SLC16A4: variants seen among roughly 807,000 people sequenced by gnomAD.
SLC16A4 encodes solute carrier family 16 member 4.
A neutral mutation model predicts 47.9 loss-of-function variants in SLC16A4; 39 were observed. The observed-to-expected ratio is 0.81, with a 90% CI of 0.63 to 1.06. The LOEUF is 1.06. SLC16A4 is among the 50% of genes least tolerant of loss of function. SLC16A4 has a pLI of 0.00. For missense variants in SLC16A4, 524 were observed against 573.8 expected (o/e 0.91, Z 0.89); for synonymous variants, 189 against 199.9 (o/e 0.95, Z 0.46).
chr1:110,387,534 A>AT (rs1030370468), intron 2 of SLC16A4, among the ~76,000 whole-genome samples: 26 of 152,326 alleles, frequency 1.7e-4, no homozygotes, highest in African/African-American at 5.8e-4. Context: ...GATCCAGTGC[A>AT]TTTTTTGTGC....
Position 110,363,442 on chromosome 1 carries a change from T to C in SLC16A4, c.*324A>G, listed in dbSNP as rs577889594. On this transcript the variant is annotated 3_prime_UTR_variant, in exon 9 of 9. Transcript: ENST00000369779. ...GAGATGGAGACCATCCTGGCTAACA[T>C]GGTGAAACCCCGCCTCTACTAAAAA... 250 of 165,112 alleles carry C rather than the reference T, an allele frequency of 1.5e-3. No homozygotes were observed. The highest frequency in any genetic ancestry group is 4.9e-3 in the African/African-American group (203 of 41,666). 10.2% of individuals were successfully genotyped at this position (165,112 alleles called of 1,614,324 possible).
At chr1:110,389,096 G>T in intron 2 of SLC16A4, 141 bp downstream of exon 2, 2 of 774,108 alleles carry the variant, frequency 2.6e-6, no homozygotes, top group Non-Finnish European at 4.5e-6. Context: ...GTTTTTGGCA[G>T]CTCCTGGCCT....
At position 110,381,765 on chromosome 1, in the gene SLC16A4, A is replaced by C. The variant is rs1662403416; in HGVS notation, c.251T>G (p.Leu84Arg). The C allele has an allele frequency of 1.2e-6, 2 of 1,613,412 alleles. No individual in the cohort carries two copies. The highest frequency in any genetic ancestry group is 8.5e-7 in the Non-Finnish European group (1 of 1,179,758). The change falls in exon 4 of 9, where the codon CTT becomes CGT. Residue 84 changes from leucine (L) to arginine (R), a missense_variant. Leu to Arg is a moderately radical substitution (Grantham distance 102). Transcript: ENST00000369779. ...GPLVAIICDI[L>R]GEKTTSILGA... is the part of the protein sequence containing the mutation. ...AAGAATGGAGGTAGTTTTCTCTCCA[A>C]GTATGTCACAAATAATAGCAACCAG...
At chr1:110,389,045 C>A (rs116404851) in intron 2 of SLC16A4, among the ~76,000 whole-genome samples, 192 bp downstream of exon 2, 107 of 152,350 alleles carry the variant, frequency 7.0e-4, no homozygotes, top group African/African-American at 2.5e-3. Context: ...GGGGCATTTT[C>A]AACTTTCTCC....
chr1:110,367,745 T>C (rs184624895), intron 8 of SLC16A4, among the ~76,000 whole-genome samples: 9 of 152,260 alleles, frequency 5.9e-5, no homozygotes, highest in Admixed American at 5.9e-4. Flanking sequence ...TGTCTGATTT[T>C]ATTAGATCTC....
intron 4 of SLC16A4, 56 bp downstream of exon 4, chr1:110,381,596 C>A: frequency 6.4e-7 from 1 of 1,568,512 alleles, no homozygotes. Context: ...GCTAGGATTA[C>A]AAGTGTGAGC....
In SLC16A4 at chr1:110,382,918, C is replaced by G. The variant is rs143483978; in HGVS notation, c.136G>C (p.Val46Leu). 1.4e-5 allele frequency: 22 copies of G among 1,612,334 alleles called. No homozygotes were observed. The African/African-American group carries it at 2.1e-4, about 16-fold the overall frequency. ...CCTTCAAACTCTTCTTGAAAGACCA[C>G]AAAGAAAATTGCAAAAGTCTTGGTC... ...GMTKTFAIFF[V>L]VFQEEFEGTS... Residue 46 changes from valine (V) to leucine (L), a missense_variant, in exon 3 of 9, where the codon GTG becomes CTG. Physicochemically the swap from Val to Leu is conservative, Grantham distance 32 (BLOSUM62 1). Coordinates refer to ENST00000369779, the MANE Select transcript of SLC16A4 (RefSeq NM_004696.3).
chr1:110,376,884 G>A (rs1269597501), intron 7 of SLC16A4, 66 bp downstream of exon 7: 4 of 1,276,272 alleles, frequency 3.1e-6, no homozygotes, highest in African/African-American at 1.5e-5. Flanking sequence ...CGTATTTTGG[G>A]GAGATTGTTA....
At chr1:110,372,574 G>A (rs1032630784) in intron 8 of SLC16A4, 2 of 152,196 alleles carry the variant, frequency 1.3e-5, no homozygotes, top group Non-Finnish European at 2.9e-5. Flanking sequence ...CCTTTGTAAT[G>A]TCCTCTGTCA....
At chr1:110,389,433 C>T (rs1662912189) in intron 1 of SLC16A4, 78 bp from the exon 2 acceptor site, 7 of 896,314 alleles carry the variant, frequency 7.8e-6, no homozygotes, top group East Asian at 2.5e-5. Flanking sequence ...TGAAAGGGAA[C>T]GTTCATACAT....
chr1:110,376,867 C>G (rs2101025493), intron 7 of SLC16A4, 83 bp downstream of exon 7: 2 of 1,145,752 alleles, frequency 1.7e-6, no homozygotes, highest in Middle Eastern at 2.7e-4. Context: ...AAAATTAATA[C>G]AAAATACGTA....
intron 8 of SLC16A4, among the ~76,000 whole-genome samples, chr1:110,364,733 A>G (rs1017289423): frequency 1.3e-5 from 2 of 151,340 alleles, no homozygotes; most frequent in Non-Finnish European, 2.9e-5. Context: ...GTGGTCTTGA[A>G]CTCCTGACCT....
At position 110,382,982 on chromosome 1, in the gene SLC16A4, C is replaced by T. The variant is rs764564391; in HGVS notation, c.88-16G>A. ...ACACATTCACCTAAATCAAAGCAGA[C>T]CAGAGTCCAACTCAGGTGGTAAGTG... On this transcript the variant is annotated splice_polypyrimidine_tract_variant and intron_variant, in intron 2 of 8. Transcript: ENST00000369779. The T allele has an allele frequency of 3.8e-6, 6 of 1,582,964 alleles. No homozygotes were observed. In the African/African-American group the frequency reaches 8.1e-5, roughly 21 times the overall value.
chr1:110,390,465 GT>G (rs1323648323), intron 1 of SLC16A4, among the ~76,000 whole-genome samples: 1 of 152,166 alleles, frequency 6.6e-6, no homozygotes. Context: ...AAGACAGTTT[GT>G]GGGGACAGTT....
intron 8 of SLC16A4, among the ~76,000 whole-genome samples, chr1:110,373,186 A>T (rs183940892): frequency 4.7e-4 from 72 of 152,350 alleles, no homozygotes; most frequent in African/African-American, 1.5e-3. Context: ...AAGTATACAA[A>T]GACACATAGG....
At chr1:110,366,769 A>G (rs1381502847) in intron 8 of SLC16A4, among the ~76,000 whole-genome samples, 3 of 152,214 alleles carry the variant, frequency 2.0e-5, no homozygotes, top group African/African-American at 7.2e-5. Context: ...TCATGACTAT[A>G]TTTAATATAT....
intron 4 of SLC16A4, 126 bp from the exon 5 acceptor site, chr1:110,381,269 G>C: frequency 1.3e-6 from 1 of 761,526 alleles, no homozygotes; most frequent in Non-Finnish European, 2.2e-6. Context: ...TAGAAGGGAA[G>C]AGTCCTGTTC....
At chr1:110,385,630 T>C (rs1662691005) in intron 2 of SLC16A4, among the ~76,000 whole-genome samples, 1 of 152,204 alleles carries the variant, frequency 6.6e-6, no homozygotes, top group African/African-American at 2.4e-5. Flanking sequence ...TGCTTTTAAA[T>C]AATGGTCAAG....
Position 110,389,217 on chromosome 1 carries a change from G to A in SLC16A4, c.87+20C>T. ...CCTGCTTTTAGGCAATAGGAAAGGG[G>A]GAAAAAAGTGAATTCTTACCAGGAA... On this transcript the variant is annotated intron_variant, in intron 2 of 8. Transcript: ENST00000369779. 6.3e-7 allele frequency: 1 copy of A among 1,597,200 alleles called. No individual in the cohort carries two copies. Among genetic ancestry groups the A allele is most frequent in the Non-Finnish European group, 8.6e-7 (1 of 1,164,660 alleles).
Sources: gnomAD v4.1 joint callset for allele counts (sites outside exome capture counted in the v4.1 genomes callset) on GRCh38, gnomAD v4.1.1 for gene constraint, MANE v1.5 for transcripts, NCBI Gene and HGNC (gene_info 2026-07-23, HGNC 2026-07-21) for gene names.